WAPL: variants seen among roughly 807,000 people sequenced by gnomAD.
WAPL encodes wings apart-like protein homolog.
Under a neutral mutation model 121.0 loss-of-function variants are expected in WAPL, and 5 were observed. That is an observed-to-expected ratio of 0.04 (90% CI 0.02 to 0.09). WAPL has a LOEUF of 0.09. Among genes scored for constraint, WAPL ranks in the 10% least tolerant of loss-of-function variants. WAPL has a pLI of 1.00. For synonymous variants in WAPL, 480 were observed against 481.5 expected (o/e 1.00, Z 0.04); for missense variants, 999 against 1,410.8 (o/e 0.71, Z 4.68).
At chr10:86,513,678 A>G (rs1235631690) in intron 2 of WAPL, among the ~76,000 whole-genome samples, 1 of 152,206 alleles carries the variant, frequency 6.6e-6, no homozygotes, top group Non-Finnish European at 1.5e-5. Flanking sequence ...TGTCAAAAAA[A>G]TCAACCACAT....
chr10:86,456,746 G>C (rs762671069), intron 12 of WAPL, among the ~76,000 whole-genome samples: 1 of 152,204 alleles, frequency 6.6e-6, no homozygotes, highest in Non-Finnish European at 1.5e-5. Flanking sequence ...ATGCTGGTCA[G>C]GATTACCATA....
intron 15 of WAPL, among the ~76,000 whole-genome samples, chr10:86,447,037 A>G (rs1409057586): frequency 1.3e-5 from 2 of 152,226 alleles, no homozygotes. Context: ...TTGGTCTAAG[A>G]ATCCCTACGG....
Position 86,471,056 on chromosome 10 carries a change from T to C in WAPL, c.2078A>G (p.His693Arg). The C allele has an allele frequency of 6.2e-7, 1 of 1,613,942 alleles. No individual in the cohort carries two copies. The change falls in exon 8 of 19, where the codon CAC becomes CGC. Residue 693 changes from histidine (H) to arginine (R), a missense_variant. Around this residue, in one of 7 missense-constraint regions of WAPL, gnomAD observed 118 missense variants for 318.3 expected, o/e 0.37. Coordinates refer to ENST00000298767, the MANE Select transcript of WAPL (RefSeq NM_015045.5). ...TKCAMPSFRM[H>R]LRAHGMVAMV... ...TGCTACCATCCCATGTGCTCTCAGG[T>C]GCATTCGAAAACTGGGCATGGCACA... is the stretch of plus-strand genomic sequence containing the variant.
chr10:86,470,803 C>T (rs1396729302), intron 8 of WAPL, among the ~76,000 whole-genome samples, 189 bp downstream of exon 8: 13 of 152,214 alleles, frequency 8.5e-5, no homozygotes, highest in Admixed American at 1.3e-4. Flanking sequence ...AATGTTTTCA[C>T]GTTTTCATGA....
chr10:86,439,140 C>T (rs1384609282), intron 17 of WAPL, among the ~76,000 whole-genome samples: 1 of 152,142 alleles, frequency 6.6e-6, no homozygotes, highest in Non-Finnish European at 1.5e-5. Context: ...GGAGAGATGA[C>T]ATATTTCTCT....
In WAPL at chr10:86,460,413, G is replaced by T. The variant is rs907315956; in HGVS notation, c.2566C>A (p.Arg856=). The change falls in exon 11 of 19, where the codon CGA becomes AGA. Residue 856 remains arginine (R), a synonymous_variant. Coordinates refer to ENST00000298767, the MANE Select transcript of WAPL (RefSeq NM_015045.5). ...ASLWGAERCL[R]VLESVTVHNP... is the part of the protein sequence containing the mutation. ...TCCATACTTACACTTTCTAAAACTC[G>T]TAAACATCTCTCTGCTCCCCATAGT... The T allele has an allele frequency of 8.7e-6, 14 of 1,613,392 alleles. No individual in the cohort carries two copies. Among genetic ancestry groups the T allele is most frequent in the Admixed American group, 6.7e-5 (4 of 59,946 alleles).
intron 4 of WAPL, among the ~76,000 whole-genome samples, chr10:86,495,292 C>T (rs77443162): frequency 0.047 from 7,122 of 152,198 alleles, 484 homozygotes; most frequent in East Asian, 0.38. Context: ...CAAACTGAAA[C>T]CACGTCTCTA....
intron 17 of WAPL, among the ~76,000 whole-genome samples, chr10:86,439,611 TAA>T (rs926315310): frequency 3.9e-5 from 6 of 152,206 alleles, no homozygotes; most frequent in African/African-American, 1.4e-4. Context: ...TGAAAAATTT[TAA>T]AAGTGTCCAG....
intron 2 of WAPL, among the ~76,000 whole-genome samples, chr10:86,504,798 A>G (rs564332363): frequency 6.6e-6 from 1 of 152,188 alleles, no homozygotes; most frequent in Admixed American, 6.5e-5. Context: ...CTCCAGCCTG[A>G]GCAACACAGC....
chr10:86,518,323 G>C (rs1019517747), intron 1 of WAPL, among the ~76,000 whole-genome samples: 2 of 152,066 alleles, frequency 1.3e-5, no homozygotes, highest in African/African-American at 4.8e-5. Context: ...TACTTACAAA[G>C]TAAAAAAACT....
At chr10:86,505,326 G>GTTTTTTTTTTTTTTTTTTTTT in intron 2 of WAPL, among the ~76,000 whole-genome samples, 1 of 19,986 alleles carries the variant, frequency 5.0e-5, no homozygotes, top group Non-Finnish European at 9.8e-5. Context: ...TTTTTTTTTT[G>GTTTTTTTTTTTTTTTTTTTTT]GAGACAGAGT....
intron 4 of WAPL, among the ~76,000 whole-genome samples, chr10:86,474,721 C>T (rs1244703095): frequency 1.3e-5 from 2 of 151,962 alleles, no homozygotes; most frequent in Non-Finnish European, 2.9e-5. Context: ...AGCAAGACTC[C>T]GTCTCAAAAA....
chr10:86,437,798 G>C, intron 18 of WAPL, 122 bp downstream of exon 18: 1 of 976,644 alleles, frequency 1.0e-6, no homozygotes, highest in Non-Finnish European at 1.5e-6. Flanking sequence ...AATAGAACAC[G>C]ATTATTAAAA....
chr10:86,452,202 T>G, intron 14 of WAPL, 71 bp from the exon 15 acceptor site: 2 of 1,445,332 alleles, frequency 1.4e-6, no homozygotes, highest in Non-Finnish European at 1.9e-6. Flanking sequence ...ATATACACAA[T>G]TTTTAATGGC....
chr10:86,449,521 G>A (rs938477992), intron 15 of WAPL, among the ~76,000 whole-genome samples: 4 of 152,218 alleles, frequency 2.6e-5, no homozygotes, highest in African/African-American at 9.6e-5. Flanking sequence ...AACACTAAGT[G>A]CAAAAGAGGA....
At chr10:86,480,669 T>C (rs1841762288) in intron 4 of WAPL, among the ~76,000 whole-genome samples, 2 of 152,260 alleles carry the variant, frequency 1.3e-5, no homozygotes, top group African/African-American at 4.8e-5. Flanking sequence ...AGAATATCCA[T>C]TCTCCCCTTC....
At chr10:86,471,855 G>A (rs935306953) in intron 7 of WAPL, among the ~76,000 whole-genome samples, 5 of 151,888 alleles carry the variant, frequency 3.3e-5, no homozygotes, top group African/African-American at 1.2e-4. Flanking sequence ...AGGTGGTCTC[G>A]AACTCTTGGA....
chr10:86,459,023 A>G lies in WAPL; in HGVS notation c.2623T>C (p.Tyr875His). 2 of 1,608,924 alleles carry G rather than the reference A, an allele frequency of 1.2e-6. No individual in the cohort carries two copies. The highest frequency in any genetic ancestry group is 1.7e-6 in the Non-Finnish European group (2 of 1,177,898). The change falls in exon 12 of 19, where the codon TAT becomes CAT. Residue 875 changes from tyrosine (Y) to histidine (H), a missense_variant. This residue lies in a region of WAPL where 118 missense variants were observed against 318.3 expected (regional missense o/e 0.37). Coordinates refer to ENST00000298767, the MANE Select transcript of WAPL (RefSeq NM_015045.5). The part of the protein sequence containing the change: ...NPENQSYLIA[Y>H]KDSQLIVSSA... The stretch of plus-strand genomic sequence containing the variant: ...GAAACAATAAGTTGGGAATCTTTAT[A>G]TGCTATCAAGTAGCTTTGATTTTCG...
intron 4 of WAPL, among the ~76,000 whole-genome samples, chr10:86,476,154 A>T (rs1048175364): frequency 6.6e-6 from 1 of 150,894 alleles, no homozygotes; most frequent in Non-Finnish European, 1.5e-5. Flanking sequence ...TCACGAGGTC[A>T]GGAGATTGAG....
Sources: allele counts gnomAD v4.1 joint callset (sites outside exome capture counted in the v4.1 genomes callset), GRCh38; gene constraint gnomAD v4.1.1; regional missense constraint gnomAD v4.1.1; transcripts MANE v1.5; gene names NCBI Gene and HGNC (gene_info 2026-07-23, HGNC 2026-07-21).